Variants in FAM227B observed in about 807,000 individuals in gnomAD.
FAM227B encodes protein FAM227B.
In FAM227B, 88 loss-of-function variants were observed where a neutral mutation model predicts 73.8. The observed-to-expected ratio is 1.19, with a 90% CI of 1.00 to 1.42. The LOEUF (loss-of-function observed/expected upper bound fraction) is 1.42. Ranked by LOEUF, FAM227B falls within the 40% of genes most tolerant of loss-of-function variation. FAM227B has a pLI of 0.00. For synonymous variants in FAM227B, 210 were observed against 190.5 expected, an observed-to-expected ratio of 1.10 and a Z score of -0.84; for missense variants, 632 against 590.9, an observed-to-expected ratio of 1.07 and a Z score of -0.72.
At chr15:49,333,898 A>G (rs183116720) in intron 14 of FAM227B, among the ~76,000 whole-genome samples, 276 of 152,346 alleles carry the variant, frequency 1.8e-3, no homozygotes, top group South Asian at 5.4e-3. Context: ...ATAGAGGAAG[A>G]AGGGAAATAA....
chr15:49,369,070 TGCCTCA>T (rs532339551), intron 12 of FAM227B, among the ~76,000 whole-genome samples: 33 of 152,182 alleles, frequency 2.2e-4, no homozygotes, highest in Non-Finnish European at 3.8e-4. Context: ...GCCATTCTCC[TGCCTCA>T]GCCTTCCGAG....
intron 1 of FAM227B, among the ~76,000 whole-genome samples, chr15:49,618,720 A>G (rs531376598): frequency 6.6e-6 from 1 of 152,366 alleles, no homozygotes; most frequent in South Asian, 2.1e-4. Flanking sequence ...GGAGAAAGTC[A>G]GTGGGTAATG....
chr15:49,365,135 A>G, intron 13 of FAM227B: 1 of 725,750 alleles, frequency 1.4e-6, no homozygotes, highest in Admixed American at 2.0e-5. Context: ...TTGCTGGACA[A>G]TCTGTTCACC....
chr15:49,609,728 T>C (rs959519418), intron 3 of FAM227B, among the ~76,000 whole-genome samples: 9 of 152,120 alleles, frequency 5.9e-5, no homozygotes, highest in African/African-American at 2.2e-4. Context: ...CATCTAGTCA[T>C]TTTATTCCTG....
chr15:49,398,417 C>T (rs2047864893), intron 11 of FAM227B, among the ~76,000 whole-genome samples: 1 of 132,346 alleles, frequency 7.6e-6, no homozygotes, highest in African/African-American at 2.9e-5. Flanking sequence ...TAACACCCCA[C>T]TGTCAACATT....
intron 11 of FAM227B, among the ~76,000 whole-genome samples, chr15:49,375,100 C>T (rs1262297413): frequency 6.6e-6 from 1 of 152,132 alleles, no homozygotes; most frequent in African/African-American, 2.4e-5. Context: ...CTTCTCAATG[C>T]TCTAAATTAG....
chr15:49,414,657 CAA>C lies in FAM227B; in HGVS notation c.1013-43260_1013-43259del, dbSNP rs1028507956. 2.0e-5 allele frequency among the ~76,000 whole-genome samples: 3 copies of C among 150,848 alleles called. No individual in the cohort carries two copies. In the Admixed American group the frequency reaches 2.0e-4, roughly 10 times the overall value. On this transcript the variant is annotated intron_variant, in intron 11 of 15. Coordinates refer to ENST00000299338, the MANE Select transcript of FAM227B (RefSeq NM_152647.3). ...GATTGGAGATTGGGGAGAGAAGATA[CAA>C]AGAGGTGGATTAGGAATAGAATTAA...
intron 3 of FAM227B, among the ~76,000 whole-genome samples, chr15:49,609,950 A>G (rs976408134): frequency 1.3e-5 from 2 of 151,930 alleles, no homozygotes; most frequent in African/African-American, 2.4e-5. Flanking sequence ...GCCTTTGAAT[A>G]CAAATATAAA....
At chr15:49,490,963 C>T (rs1049001817) in intron 11 of FAM227B, among the ~76,000 whole-genome samples, 29 of 151,880 alleles carry the variant, frequency 1.9e-4, no homozygotes, top group African/African-American at 5.3e-4. Context: ...TTTCTTAGGA[C>T]GATTACAGGA....
At chr15:49,500,900 C>T (rs1439779923) in intron 11 of FAM227B, among the ~76,000 whole-genome samples, 2 of 152,064 alleles carry the variant, frequency 1.3e-5, no homozygotes, top group Admixed American at 6.6e-5. Context: ...GGCACCTCTG[C>T]CCCCCTCTTG....
chr15:49,426,440 C>T (rs2050137815), intron 11 of FAM227B, among the ~76,000 whole-genome samples: 4 of 151,614 alleles, frequency 2.6e-5, no homozygotes, highest in Admixed American at 2.0e-4. Context: ...AATCCTTTTA[C>T]CAAGTAATGA....
At chr15:49,398,197 C>T (rs545740827) in intron 11 of FAM227B, among the ~76,000 whole-genome samples, 2 of 152,202 alleles carry the variant, frequency 1.3e-5, no homozygotes, top group South Asian at 4.2e-4. Flanking sequence ...GGGTTGCAAT[C>T]CCAGTCTCTG....
At chr15:49,609,379 T>C (rs187136890) in intron 3 of FAM227B, among the ~76,000 whole-genome samples, 3 of 151,646 alleles carry the variant, frequency 2.0e-5, no homozygotes. Flanking sequence ...AAGATAGAAA[T>C]GGTAGGAACT....
At chr15:49,355,012 G>A (rs1042078961) in intron 13 of FAM227B, among the ~76,000 whole-genome samples, 6 of 151,454 alleles carry the variant, frequency 4.0e-5, no homozygotes, top group African/African-American at 1.5e-4. Context: ...TACTCCAACA[G>A]ACCTGCAGCT....
chr15:49,610,074 T>C (rs149782193), intron 3 of FAM227B, among the ~76,000 whole-genome samples: 5 of 152,166 alleles, frequency 3.3e-5, no homozygotes, highest in Admixed American at 6.5e-5. Context: ...CTATCTTGAT[T>C]TGATTGGTAT....
At chr15:49,405,749 A>G (rs2048467204) in intron 11 of FAM227B, among the ~76,000 whole-genome samples, 1 of 152,106 alleles carries the variant, frequency 6.6e-6, no homozygotes, top group African/African-American at 2.4e-5. Flanking sequence ...TATTTCTGTC[A>G]TTTCAGCCAT....
At chr15:49,494,835 A>G (rs2057457253) in intron 11 of FAM227B, among the ~76,000 whole-genome samples, 1 of 152,178 alleles carries the variant, frequency 6.6e-6, no homozygotes, top group Non-Finnish European at 1.5e-5. Context: ...GACTCAGTAA[A>G]TGTTCATTGC....
chr15:49,437,551 A>C (rs1223789901), intron 11 of FAM227B, among the ~76,000 whole-genome samples: 1 of 151,670 alleles, frequency 6.6e-6, no homozygotes, highest in Non-Finnish European at 1.5e-5. Flanking sequence ...GGTAAATCAT[A>C]TCTCTGTTTC....
chr15:49,591,637 C>T (rs1312588283), intron 3 of FAM227B, among the ~76,000 whole-genome samples: 1 of 151,870 alleles, frequency 6.6e-6, no homozygotes, highest in Non-Finnish European at 1.5e-5. Context: ...AGGCACGTGC[C>T]ACCATGCCCA....
Sources: allele counts gnomAD v4.1 joint callset (sites outside exome capture counted in the v4.1 genomes callset), GRCh38; gene constraint gnomAD v4.1.1; transcripts MANE v1.5; gene names NCBI Gene and HGNC (gene_info 2026-07-23, HGNC 2026-07-21).